AP4M1: variants seen among roughly 807,000 people sequenced by gnomAD.
The protein encoded by AP4M1 is AP-4 complex subunit mu-1.
In AP4M1, 58 loss-of-function variants were observed where a neutral mutation model predicts 62.4. The observed-to-expected ratio is 0.93, with a 90% CI of 0.75 to 1.16. The LOEUF (loss-of-function observed/expected upper bound fraction) is 1.16. AP4M1 is among the 50% of genes most tolerant of loss of function. The pLI, the probability that AP4M1 is intolerant of heterozygous loss-of-function variation, is 0.00. For missense variants in AP4M1, 626 were observed against 585.4 expected (o/e 1.07, Z -0.72); for synonymous variants, 290 against 239.7 (o/e 1.21, Z -1.94).
Position 100,103,711 on chromosome 7 carries a change from G to A in AP4M1, c.543+19G>A. ...TGACCAGGTGAGGGAAGGATCCATG[G>A]GGTCAGACGCTCTGGTTTTGCTCTG... is the stretch of plus-strand genomic sequence containing the variant. On this transcript the variant is annotated intron_variant, in intron 6 of 14. Transcript: ENST00000359593. 1 of 1,609,234 alleles carries A rather than the reference G, an allele frequency of 6.2e-7. No individual in the cohort carries two copies.
chr7:100,106,312 C>T (rs761239534), intron 13 of AP4M1, 21 bp downstream of exon 13: 26 of 1,613,502 alleles, frequency 1.6e-5, no homozygotes, highest in South Asian at 2.2e-5. Flanking sequence ...GCACCCACCA[C>T]GGGGAGATTC....
In AP4M1 at chr7:100,108,316, A is replaced by G. The variant is rs752429381; in HGVS notation, c.*1434A>G. ...CTGTGTGCAAGTGCCTGTCCCACAC[A>G]GGGGTTCTCCTCTGCTTCCTCCTAT... is the stretch of plus-strand genomic sequence containing the variant. On this transcript the variant is annotated 3_prime_UTR_variant, in exon 15 of 15. Coordinates refer to ENST00000359593, the MANE Select transcript of AP4M1 (RefSeq NM_004722.4). The G allele has an allele frequency of 1.3e-5, 20 of 1,550,666 alleles. No homozygotes were observed. Among genetic ancestry groups the G allele is most frequent in the Non-Finnish European group, 1.7e-5 (20 of 1,149,670 alleles).
chr7:100,106,572 C>CCCCCCCCCCCAA, intron 14 of AP4M1, 58 bp downstream of exon 14: 2 of 1,546,392 alleles, frequency 1.3e-6, no homozygotes, highest in Non-Finnish European at 1.8e-6. Flanking sequence ...GCCCCCACCC[C>CCCCCCCCCCCAA]ACCCTCCCGA....
At chr7:100,103,221 T>C in intron 4 of AP4M1, 188 bp from the exon 5 acceptor site, 1 of 680,844 alleles carries the variant, frequency 1.5e-6, no homozygotes, top group African/African-American at 1.8e-5. Flanking sequence ...TTGTTTATTT[T>C]TTGTAGAGAC....
upstream of AP4M1, chr7:100,101,134 G>T: frequency 3.4e-6 from 4 of 1,177,180 alleles, no homozygotes; most frequent in South Asian, 2.6e-5. Context: ...GCCGCAGCTC[G>T]ACCCTGCCTC....
chr7:100,106,563 C>T (rs1466726448), intron 14 of AP4M1, 49 bp downstream of exon 14: 3 of 1,540,998 alleles, frequency 1.9e-6, no homozygotes, highest in Non-Finnish European at 2.7e-6. Flanking sequence ...TCACTTGCAG[C>T]CCCCACCCCA....
Position 100,108,540 on chromosome 7 carries a change from T to A in AP4M1, c.*1658T>A. On this transcript the variant is annotated 3_prime_UTR_variant, in exon 15 of 15. Transcript: ENST00000359593. ...TTTGCCAGAACAGGAGCACAGTGTTTCTGCAGAACAGAAAAAAAGCCAGGT... is the reference window on the plus strand; with the variant it reads ...TTTGCCAGAACAGGAGCACAGTGTTACTGCAGAACAGAAAAAAAGCCAGGT... 6.3e-7 allele frequency: 1 copy of A among 1,593,164 alleles called. No homozygotes were observed.
Position 100,108,106 on chromosome 7 carries a change from G to A in AP4M1, c.*1224G>A, listed in dbSNP as rs1285997516. 1.2e-6 allele frequency: 2 copies of A among 1,604,546 alleles called. No individual in the cohort carries two copies. Among genetic ancestry groups the A allele is most frequent in the Non-Finnish European group, 1.7e-6 (2 of 1,177,160 alleles). ...GGCCAGGCTGTGGGGCCTGCGAGAG[G>A]GTCAGCGTGGGCCGGGGCTGCGGGG... On this transcript the variant is annotated 3_prime_UTR_variant, in exon 15 of 15. Transcript: ENST00000359593.
At chr7:100,102,624 C>G (rs1321078345) in intron 2 of AP4M1, 51 bp from the exon 3 acceptor site, 1 of 1,544,156 alleles carries the variant, frequency 6.5e-7, no homozygotes, top group Non-Finnish European at 8.9e-7. Flanking sequence ...GGGTTCTGAT[C>G]ACTCCACCTC....
chr7:100,104,837 A>C (rs749274191), intron 7 of AP4M1, 37 bp from the exon 8 acceptor site: 1 of 1,612,236 alleles, frequency 6.2e-7, no homozygotes, highest in Non-Finnish European at 8.5e-7. Context: ...AAAAAGAAAG[A>C]AAAAAAGACT....
chr7:100,102,917 C>G lies in AP4M1; in HGVS notation c.308C>G (p.Ser103Cys), dbSNP rs1349122341. ...GGCTCCCTGGGCGAGGGGACCATCT[C>G]CCGCAATGTGGCTCTGGTATACGAA... ...YCGSLGEGTI[S>C]RNVALVYELL... The change falls in exon 4 of 15, where the codon TCC becomes TGC. Residue 103 changes from serine (S) to cysteine (C), a missense_variant. Coordinates refer to ENST00000359593, the MANE Select transcript of AP4M1 (RefSeq NM_004722.4). 1.9e-6 allele frequency: 3 copies of G among 1,613,998 alleles called. No homozygotes were observed. The highest frequency in any genetic ancestry group is 2.5e-6 in the Non-Finnish European group (3 of 1,180,032).
Position 100,105,048 on chromosome 7 carries a change from T to C in AP4M1, c.677T>C (p.Met226Thr), listed in dbSNP as rs1447129974. Residue 226 changes from methionine (M) to threonine (T), a missense_variant, in exon 9 of 15, where the codon ATG becomes ACG. Coordinates refer to ENST00000359593, the MANE Select transcript of AP4M1 (RefSeq NM_004722.4). ...LKSFLPSGSE[M>T]RIGLTEEFCV... Reference sequence around the variant, plus strand: ...CTGATGGTCTCTCCTCCGACAGAGATGCGCATTGGCTTGACGGAAGAGTTT... The same window carrying C: ...CTGATGGTCTCTCCTCCGACAGAGACGCGCATTGGCTTGACGGAAGAGTTT... 1.9e-6 allele frequency: 3 copies of C among 1,614,126 alleles called. No individual in the cohort carries two copies. The highest frequency in any genetic ancestry group is 1.6e-4 in the Middle Eastern group (1 of 6,062).
intron 2 of AP4M1, 21 bp from the exon 3 acceptor site, chr7:100,102,651 CTCT>C: frequency 6.2e-7 from 1 of 1,610,004 alleles, no homozygotes; most frequent in Non-Finnish European, 8.5e-7. Context: ...TTTAACGCCT[CTCT>C]TCTCCCTGCC....
chr7:100,105,581 A>G (rs1796399112), intron 11 of AP4M1, 42 bp downstream of exon 11: 3 of 1,551,944 alleles, frequency 1.9e-6, no homozygotes, highest in South Asian at 1.1e-5. Context: ...TTGGAACCCA[A>G]GCCAAGACCT....
Position 100,107,790 on chromosome 7 carries a change from C to T in AP4M1, c.*908C>T, listed in dbSNP as rs1796699268. On this transcript the variant is annotated 3_prime_UTR_variant, in exon 15 of 15. Coordinates refer to ENST00000359593, the MANE Select transcript of AP4M1 (RefSeq NM_004722.4). ...TTCATGCAGGGCAGCTACAGCCCTG[C>T]AGGACCCTGGTGGGCGCCTCTTCCA... The T allele has an allele frequency of 1.4e-6, 2 of 1,388,250 alleles. No individual in the cohort carries two copies. Among genetic ancestry groups the T allele is most frequent in the African/African-American group, 1.5e-5 (1 of 68,798 alleles). 86.0% of individuals were successfully genotyped at this position (1,388,250 alleles called of 1,614,324 possible). A position where few individuals can be genotyped will look rare whatever the true frequency, so the allele number is the denominator to read the frequency against.
intron 7 of AP4M1, 26 bp from the exon 8 acceptor site, chr7:100,104,848 C>T (rs1433867396): frequency 1.2e-6 from 2 of 1,612,650 alleles, no homozygotes; most frequent in East Asian, 4.5e-5. Context: ...AAAAAAGACT[C>T]TAACCTTGAC....
At chr7:100,103,732 C>T (rs1327561153) in intron 6 of AP4M1, 40 bp downstream of exon 6, 6 of 1,599,852 alleles carry the variant, frequency 3.8e-6, no homozygotes, top group Non-Finnish European at 5.1e-6. Context: ...TCTGGTTTTG[C>T]TCTGGGATCC....
chr7:100,101,420 G>A, upstream of AP4M1: 3 of 1,330,702 alleles, frequency 2.3e-6, no homozygotes, highest in Non-Finnish European at 3.2e-6. Context: ...CGCCCCCCAC[G>A]TGACCGGCGC....
intron 4 of AP4M1, 53 bp downstream of exon 4, chr7:100,103,013 C>A: frequency 7.5e-7 from 1 of 1,327,260 alleles, no homozygotes; most frequent in Non-Finnish European, 1.1e-6. Context: ...CCTGAAGATA[C>A]ATCTGCTCTT....
Sources: allele counts gnomAD v4.1 joint callset, GRCh38; gene constraint gnomAD v4.1.1; transcripts MANE v1.5; gene names NCBI Gene and HGNC (gene_info 2026-07-23, HGNC 2026-07-21).